The following CREB5 variants were observed in gnomAD, a reference collection of about 807,000 sequenced individuals.
The protein encoded by CREB5 is cyclic AMP-responsive element-binding protein 5.
Under a neutral mutation model 57.1 loss-of-function variants are expected in CREB5, and 19 were observed. The observed-to-expected ratio is 0.33, with a 90% CI of 0.23 to 0.49. The LOEUF is 0.49. Among genes scored for constraint, CREB5 ranks in the 20% least tolerant of loss-of-function variants. CREB5 has a pLI of 0.99. For missense variants in CREB5, 579 were observed against 671.6 expected (o/e 0.86, Z 1.52); for synonymous variants, 238 against 238.3 (o/e 1.00, Z 0.01).
intron 4 of CREB5, among the ~76,000 whole-genome samples, chr7:28,560,929 C>CGCGCGCGCGT (rs1554344495): frequency 6.6e-5 from 2 of 30,424 alleles, no homozygotes; most frequent in African/African-American, 3.2e-4. Context: ...TGTGCGCGTG[C>CGCGCGCGCGT]GTGTGTGCGT....
chr7:28,819,098 C>CA lies in CREB5; in HGVS notation c.1364-18_1364-17insA, dbSNP rs770535758. The CA allele has an allele frequency of 6.3e-7, 1 of 1,594,448 alleles. No homozygotes were observed. Among genetic ancestry groups the CA allele is most frequent in the Non-Finnish European group, 8.6e-7 (1 of 1,168,016 alleles). ...GTGTGTGTGTATGTGTGTGTGTTGT[C>CA]TTTTTTTTTCTCCCTAGGTCCAGAG... On this transcript the variant is annotated splice_polypyrimidine_tract_variant and intron_variant, in intron 10 of 10. Coordinates refer to ENST00000357727, the MANE Select transcript of CREB5 (RefSeq NM_182898.4).
At chr7:28,739,651 G>A (rs1190902891) in intron 7 of CREB5, among the ~76,000 whole-genome samples, 1 of 152,176 alleles carries the variant, frequency 6.6e-6, no homozygotes, top group Non-Finnish European at 1.5e-5. Flanking sequence ...CGAGTTTAGA[G>A]GACAGACTGG....
intron 5 of CREB5, among the ~76,000 whole-genome samples, chr7:28,631,920 G>A (rs1259865380): frequency 6.6e-6 from 1 of 152,172 alleles, no homozygotes; most frequent in Non-Finnish European, 1.5e-5. Flanking sequence ...AGAGTAGAGA[G>A]AATGACAGGC....
chr7:28,337,856 T>C (rs1785857250), intron 1 of CREB5, among the ~76,000 whole-genome samples: 1 of 152,132 alleles, frequency 6.6e-6, no homozygotes, highest in African/African-American at 2.4e-5. Flanking sequence ...TTTTTATGTT[T>C]TGTGTATTCG....
At chr7:28,389,875 G>T (rs977677625) in intron 1 of CREB5, among the ~76,000 whole-genome samples, 9 of 152,000 alleles carry the variant, frequency 5.9e-5, no homozygotes, top group Admixed American at 1.3e-4. Context: ...TAACAATGGT[G>T]CTTGGAACTC....
intron 1 of CREB5, among the ~76,000 whole-genome samples, chr7:28,482,698 G>A (rs982103938): frequency 3.9e-5 from 6 of 152,152 alleles, no homozygotes; most frequent in Admixed American, 6.5e-5. Context: ...TCAATATCAC[G>A]AATAAAATTC....
chr7:28,715,376 A>G (rs111642287), intron 5 of CREB5, among the ~76,000 whole-genome samples: 172 of 152,324 alleles, frequency 1.1e-3, no homozygotes, highest in African/African-American at 3.9e-3. Flanking sequence ...TAACTACCTC[A>G]TTGCATTGTT....
intron 7 of CREB5, among the ~76,000 whole-genome samples, chr7:28,724,965 C>T (rs1406978029): frequency 6.6e-6 from 1 of 152,150 alleles, no homozygotes; most frequent in African/African-American, 2.4e-5. Context: ...ATTAGCAAAA[C>T]CAATGCAATA....
chr7:28,394,657 C>T (rs1211009343), intron 1 of CREB5, among the ~76,000 whole-genome samples: 1 of 152,108 alleles, frequency 6.6e-6, no homozygotes, highest in Admixed American at 6.5e-5. Context: ...GAGGGTCCCC[C>T]ACCTTTTCAC....
chr7:28,553,669 T>G (rs1446316035), intron 4 of CREB5, among the ~76,000 whole-genome samples: 2 of 152,256 alleles, frequency 1.3e-5, no homozygotes, highest in East Asian at 3.8e-4. Flanking sequence ...GAAATGGTCT[T>G]AATCGTACTA....
At chr7:28,710,798 C>T (rs1387576697) in intron 5 of CREB5, among the ~76,000 whole-genome samples, 6 of 152,096 alleles carry the variant, frequency 3.9e-5, no homozygotes, top group African/African-American at 2.4e-5. Context: ...AAAATGAGAG[C>T]GTGCACCAAG....
At chr7:28,546,299 A>G (rs946971047) in intron 4 of CREB5, among the ~76,000 whole-genome samples, 19 of 152,184 alleles carry the variant, frequency 1.2e-4, no homozygotes, top group Admixed American at 1.0e-3. Flanking sequence ...TCAATAATGG[A>G]CATTTGGGTT....
chr7:28,799,218 A>G (rs1329900889), intron 7 of CREB5, among the ~76,000 whole-genome samples: 1 of 152,232 alleles, frequency 6.6e-6, no homozygotes, highest in Non-Finnish European at 1.5e-5. Context: ...GCTGCTGCTC[A>G]GAGGGTAGAC....
intron 7 of CREB5, among the ~76,000 whole-genome samples, chr7:28,783,186 A>G (rs575508122): frequency 2.6e-4 from 39 of 152,296 alleles, no homozygotes; most frequent in African/African-American, 8.9e-4. Context: ...ACCTGGCCCC[A>G]GTACAGCCTC....
chr7:28,785,140 T>C (rs965980853), intron 7 of CREB5, among the ~76,000 whole-genome samples: 2 of 152,216 alleles, frequency 1.3e-5, no homozygotes, highest in Non-Finnish European at 2.9e-5. Flanking sequence ...ACAGTCACCA[T>C]CAGGCTAAAT....
At chr7:28,709,051 T>C (rs1392474405) in intron 5 of CREB5, among the ~76,000 whole-genome samples, 1 of 152,224 alleles carries the variant, frequency 6.6e-6, no homozygotes, top group Non-Finnish European at 1.5e-5. Flanking sequence ...AGGATATTTT[T>C]TCCCAGCTAG....
At chr7:28,555,627 G>A (rs1198137493) in intron 4 of CREB5, among the ~76,000 whole-genome samples, 2 of 151,756 alleles carry the variant, frequency 1.3e-5, no homozygotes, top group African/African-American at 2.4e-5. Flanking sequence ...AAAGTAACTG[G>A]ACAACACTCA....
At position 28,717,031 on chromosome 7, in the gene CREB5, C is replaced by A. The variant is rs1341185158; in HGVS notation, c.465-1722C>A. ...TCCTCACATACACATTCTACTAATA[C>A]AACTGAGTGTAATTAGTGTATATCT... On this transcript the variant is annotated intron_variant, in intron 5 of 10. Transcript: ENST00000357727. Among the ~76,000 whole-genome samples the A allele has an allele frequency of 2.6e-5, 4 of 151,260 alleles. No individual in the cohort carries two copies. In the South Asian group the frequency reaches 6.3e-4, roughly 24 times the overall value.
chr7:28,329,336 A>G (rs1427182072), intron 1 of CREB5, among the ~76,000 whole-genome samples: 1 of 152,180 alleles, frequency 6.6e-6, no homozygotes, highest in Non-Finnish European at 1.5e-5. Flanking sequence ...AGACTGAGGT[A>G]GAGGCTGTGT....
Sources: allele counts gnomAD v4.1 joint callset (sites outside exome capture counted in the v4.1 genomes callset), GRCh38; gene constraint gnomAD v4.1.1; transcripts MANE v1.5; gene names NCBI Gene and HGNC (gene_info 2026-07-23, HGNC 2026-07-21).